The following DOCK8 variants were observed in gnomAD, a reference collection of about 807,000 sequenced individuals.
DOCK8 encodes the protein dedicator of cytokinesis protein 8.
In DOCK8, 141 loss-of-function variants were observed where a neutral mutation model predicts 245.6. The ratio of observed to expected loss-of-function variants is 0.57; its 90% CI spans 0.50 to 0.66. The LOEUF is 0.66. DOCK8 is among the 30% of genes least tolerant of loss of function. The pLI is 0.00. For synonymous variants in DOCK8, 1,168 were observed against 970.2 expected, an observed-to-expected ratio of 1.20 and a Z score of -3.79; for missense variants, 2,965 against 2,603.4, an observed-to-expected ratio of 1.14 and a Z score of -3.02.
chr9:347,056 C>T (rs796283910), intron 14 of DOCK8, among the ~76,000 whole-genome samples: 38 of 152,182 alleles, frequency 2.5e-4, no homozygotes, highest in African/African-American at 8.7e-4. Flanking sequence ...GAGTAAGTGT[C>T]CAGCCCCACC....
chr9:236,165 C>A (rs777236858), intron 1 of DOCK8, among the ~76,000 whole-genome samples: 183 of 152,156 alleles, frequency 1.2e-3, no homozygotes, highest in Non-Finnish European at 2.2e-3. Flanking sequence ...TGTGTCCCAC[C>A]AACCTTAGTG....
intron 8 of DOCK8, among the ~76,000 whole-genome samples, chr9:326,113 G>A (rs1303450522): frequency 1.3e-5 from 2 of 152,180 alleles, no homozygotes; most frequent in African/African-American, 4.8e-5. Flanking sequence ...TGACTGAAGG[G>A]CATCTTACAT....
At chr9:337,743 G>A (rs1353852697) in intron 12 of DOCK8, among the ~76,000 whole-genome samples, 1 of 152,176 alleles carries the variant, frequency 6.6e-6, no homozygotes, top group Non-Finnish European at 1.5e-5. Flanking sequence ...TAGAGGGGTG[G>A]GGAGTCACTG....
chr9:245,273 C>T (rs2047481457), intron 1 of DOCK8, among the ~76,000 whole-genome samples: 1 of 152,146 alleles, frequency 6.6e-6, no homozygotes, highest in Non-Finnish European at 1.5e-5. Flanking sequence ...GGCACAATCT[C>T]AGCTCACTGC....
At chr9:280,457 T>C (rs1249799840) in intron 2 of DOCK8, among the ~76,000 whole-genome samples, 1 of 152,192 alleles carries the variant, frequency 6.6e-6, no homozygotes, top group African/African-American at 2.4e-5. Flanking sequence ...TTGGCTTGCC[T>C]ACTGCTGGTG....
chr9:277,545 GAAA>G (rs1299287309), intron 2 of DOCK8, among the ~76,000 whole-genome samples: 135 of 150,734 alleles, frequency 9.0e-4, no homozygotes, highest in African/African-American at 3.0e-3. Context: ...TGTCTCAGAG[GAAA>G]GGAGGGGAGG....
chr9:348,073 G>A (rs1244527835), intron 14 of DOCK8, among the ~76,000 whole-genome samples: 1 of 152,002 alleles, frequency 6.6e-6, no homozygotes, highest in Non-Finnish European at 1.5e-5. Flanking sequence ...TTTTCGCAAA[G>A]GATTTTATTC....
intron 31 of DOCK8, among the ~76,000 whole-genome samples, 157 bp downstream of exon 31, chr9:420,740 A>G (rs781080903): frequency 1.2e-4 from 19 of 152,178 alleles, no homozygotes; most frequent in Non-Finnish European, 2.4e-4. Flanking sequence ...AGATATGATC[A>G]TTTCACAGGG....
At chr9:409,764 A>G (rs970553937) in intron 28 of DOCK8, among the ~76,000 whole-genome samples, 3 of 149,418 alleles carry the variant, frequency 2.0e-5, no homozygotes, top group Admixed American at 6.7e-5. Flanking sequence ...CCGGTGTGTG[A>G]TGTTCCCACC....
At chr9:354,638 G>T (rs536719449) in intron 14 of DOCK8, among the ~76,000 whole-genome samples, 1 of 152,174 alleles carries the variant, frequency 6.6e-6, no homozygotes, top group Non-Finnish European at 1.5e-5. Flanking sequence ...GTCCCCTGGG[G>T]GTGGATCCAC....
chr9:308,074 G>C (rs2049931239), intron 5 of DOCK8, among the ~76,000 whole-genome samples: 1 of 152,210 alleles, frequency 6.6e-6, no homozygotes, highest in African/African-American at 2.4e-5. Context: ...GAAGGGAATA[G>C]AGAGGTTGGT....
intron 45 of DOCK8, 86 bp downstream of exon 45, chr9:450,013 A>T (rs1012239427): frequency 2.8e-5 from 41 of 1,465,308 alleles, no homozygotes; most frequent in Non-Finnish European, 3.8e-5. Flanking sequence ...CTTGGGGTTG[A>T]TGAGGACTTT....
intron 25 of DOCK8, 149 bp downstream of exon 25, chr9:397,083 C>T: frequency 9.9e-7 from 1 of 1,009,908 alleles, no homozygotes. Flanking sequence ...CTGGACTGGA[C>T]CCTGATGTGG....
At chr9:261,854 C>T (rs549588899) in intron 1 of DOCK8, among the ~76,000 whole-genome samples, 18 of 152,184 alleles carry the variant, frequency 1.2e-4, no homozygotes, top group Admixed American at 6.5e-5. Flanking sequence ...TCTCTCTCTT[C>T]GGTAATGCTT....
At chr9:400,333 ACCTCCTCCACCACCACCACCT>A (rs1463383800) in intron 26 of DOCK8, among the ~76,000 whole-genome samples, 1 of 82,086 alleles carries the variant, frequency 1.2e-5, no homozygotes. Context: ...CACCACCACC[ACCTCCTCCACCACCACCACCT>A]CCTCCACCAT....
At chr9:226,339 A>T (rs1385583730) in intron 1 of DOCK8, among the ~76,000 whole-genome samples, 1 of 151,638 alleles carries the variant, frequency 6.6e-6, no homozygotes, top group Non-Finnish European at 1.5e-5. Flanking sequence ...ACATGTGGGG[A>T]TTATGGGAGC....
intron 13 of DOCK8, 114 bp downstream of exon 13, chr9:339,213 G>A (rs1435640190): frequency 1.1e-6 from 1 of 930,954 alleles, no homozygotes; most frequent in South Asian, 1.4e-5. Flanking sequence ...TGAAATGTGA[G>A]ATTTTGTGTT....
chr9:299,340 A>C (rs1285939768), intron 4 of DOCK8, among the ~76,000 whole-genome samples: 2 of 152,178 alleles, frequency 1.3e-5, no homozygotes, highest in Non-Finnish European at 2.9e-5. Flanking sequence ...ATTTCTCTCA[A>C]ATAACTGTTA....
intron 12 of DOCK8, among the ~76,000 whole-genome samples, chr9:336,992 C>G (rs982439868): frequency 1.3e-5 from 2 of 152,120 alleles, no homozygotes; most frequent in Non-Finnish European, 2.9e-5. Flanking sequence ...CTGTAGAGTC[C>G]TGAGGTGGAG....
Sources: gnomAD v4.1 joint callset for allele counts (sites outside exome capture counted in the v4.1 genomes callset) on GRCh38, gnomAD v4.1.1 for gene constraint, MANE v1.5 for transcripts, NCBI Gene and HGNC (gene_info 2026-07-23, HGNC 2026-07-21) for gene names.